The following PKD1 variants were observed in gnomAD, a reference collection of about 807,000 sequenced individuals.
The protein encoded by PKD1 is polycystin-1.
Under a neutral mutation model 361.7 loss-of-function variants are expected in PKD1, and 81 were observed. The ratio of observed to expected loss-of-function variants is 0.22; its 90% CI spans 0.19 to 0.27. The LOEUF (loss-of-function observed/expected upper bound fraction) is 0.27. Among genes scored for constraint, PKD1 ranks in the 10% least tolerant of loss-of-function variants. The probability of loss-of-function intolerance (pLI) is 1.00; values close to 1 mark genes in which losing one functional copy is unlikely to be tolerated. For missense variants in PKD1, 6,399 were observed against 6,118.3 expected (o/e 1.05, Z -1.53); for synonymous variants, 3,615 against 2,818.3 (o/e 1.28, Z -8.95).
intron 1 of PKD1, among the ~76,000 whole-genome samples, chr16:2,134,354 A>C (rs1259320107): frequency 8.5e-6 from 1 of 117,742 alleles, no homozygotes; most frequent in Non-Finnish European, 1.7e-5. Flanking sequence ...AACGTTACAA[A>C]ACCAAATGCC....
rs1332582106 is a variant in PKD1, at chr16:2,097,795, G to C, written c.10168-15C>G. ...ACAAAGGCCTGCTGAGAGGTGCACA[G>C]TGTCTTGAGTCCAAGCTGCGCCAAG... is the stretch of plus-strand genomic sequence containing the variant. On this transcript the variant is annotated splice_polypyrimidine_tract_variant and intron_variant, in intron 31 of 45. Coordinates refer to ENST00000262304, the MANE Select transcript of PKD1 (RefSeq NM_001009944.3). 6.2e-7 allele frequency: 1 copy of C among 1,611,446 alleles called. No individual in the cohort carries two copies. Among genetic ancestry groups the C allele is most frequent in the East Asian group, 2.2e-5 (1 of 44,882 alleles).
intron 1 of PKD1, among the ~76,000 whole-genome samples, chr16:2,132,262 A>G (rs2092892914): frequency 6.6e-6 from 1 of 151,486 alleles, no homozygotes; most frequent in African/African-American, 2.4e-5. Flanking sequence ...AAAAAAAAAA[A>G]AAAGTATATA....
Position 2,094,132 on chromosome 16 carries a change from C to G in PKD1, c.10578G>C (p.Leu3526=). The change falls in exon 35 of 46, where the codon CTG becomes CTC. Residue 3526 remains leucine, a synonymous_variant. Transcript: ENST00000262304. ...TCGCTGCCTGGGGCTGTTCCCAGTT[C>G]AGGCCTGGGCTGGGTGGCCCCAGCT... ...LGELGPPSPG[L]NWEQPQAARL... The G allele has an allele frequency of 6.3e-7, 1 of 1,596,222 alleles. No homozygotes were observed. Among genetic ancestry groups the G allele is most frequent in the South Asian group, 1.1e-5 (1 of 88,706 alleles).
rs775005619 is a variant in PKD1 at position 2,089,952 on chromosome 16, G to C, written c.12687C>G (p.Leu4229=). Residue 4229 remains leucine, a synonymous_variant, in exon 46 of 46, where the codon CTC becomes CTG. Transcript: ENST00000262304. ...FEALLTQFDR[L]NQATEDVYQL... The stretch of plus-strand genomic sequence containing the variant: ...GGTAGACGTCCTCTGTGGCCTGGTT[G>C]AGTCGGTCAAACTGGGTGAGCAGGG... The C allele has an allele frequency of 1.3e-5, 21 of 1,612,292 alleles. No homozygotes were observed. Among genetic ancestry groups the C allele is most frequent in the Non-Finnish European group, 1.8e-5 (21 of 1,179,768 alleles).
At chr16:2,129,273 C>A (rs562644232) in intron 1 of PKD1, among the ~76,000 whole-genome samples, 6 of 151,536 alleles carry the variant, frequency 4.0e-5, no homozygotes, top group African/African-American at 1.5e-4. Context: ...AATCCTCCCC[C>A]CTCAGCCTCC....
intron 1 of PKD1, chr16:2,119,888 C>T (rs2092693151): frequency 2.0e-5 from 14 of 700,376 alleles, no homozygotes; most frequent in East Asian, 8.0e-5. Context: ...GGGGAGCAGG[C>T]GCCACCTCGA....
At chr16:2,130,523 T>C (rs1248159931) in intron 1 of PKD1, among the ~76,000 whole-genome samples, 2 of 152,190 alleles carry the variant, frequency 1.3e-5, no homozygotes, top group Admixed American at 6.5e-5. Context: ...CCCTCGAGGG[T>C]GGCCCTCCTT....
intron 30 of PKD1, chr16:2,098,214 T>G: frequency 5.1e-6 from 3 of 590,912 alleles, no homozygotes; most frequent in Non-Finnish European, 9.1e-6. Flanking sequence ...GTTTTAAATT[T>G]CATATTTTCT....
intron 30 of PKD1, 200 bp from the exon 31 acceptor site, chr16:2,098,184 T>C (rs2091926473): frequency 1.3e-5 from 8 of 601,000 alleles, no homozygotes; most frequent in Non-Finnish European, 3.0e-6. Context: ...GACAGCAGAC[T>C]GGTGCAGCTA....
chr16:2,091,624 AGCGGGTGGCAGG>A (rs991680191), intron 41 of PKD1, 27 bp from the exon 42 acceptor site: 2 of 1,561,432 alleles, frequency 1.3e-6, no homozygotes, highest in Admixed American at 3.6e-5. Flanking sequence ...GGTCAGTAGG[AGCGGGTGGCAGG>A]GCGGGAGCTG....
intron 39 of PKD1, 140 bp from the exon 40 acceptor site, chr16:2,092,328 T>C (rs1596483629): frequency 4.9e-6 from 5 of 1,029,320 alleles, no homozygotes; most frequent in Middle Eastern, 5.4e-4. Flanking sequence ...TAGACAACGT[T>C]ACCATCTCTC....
intron 1 of PKD1, chr16:2,123,633 C>A (rs554407620): frequency 1.2e-5 from 5 of 427,790 alleles, no homozygotes; most frequent in African/African-American, 1.0e-4. Context: ...TGCCCTGCCC[C>A]CACGTTCTGG....
chr16:2,106,748 C>T lies in PKD1; in HGVS notation c.7209+57G>A, dbSNP rs765377861. 100 of 1,503,138 alleles carry T rather than the reference C, an allele frequency of 6.7e-5. 1 individual carries two copies. Among genetic ancestry groups the T allele is most frequent in the Middle Eastern group, 4.7e-4 (2 of 4,260 alleles). The allele number at this position is 1,503,138 out of a possible 1,614,324, so 93.1% of individuals were successfully genotyped here. A position where few individuals can be genotyped will look rare whatever the true frequency, so the allele number is the denominator to read the frequency against. ...CAGCCCCACTTCTGCCTGCAGGCCC[C>T]GTCCCCTCGGCCATGGGACCCATCC... On this transcript the variant is annotated intron_variant, in intron 17 of 45. Coordinates refer to ENST00000262304, the MANE Select transcript of PKD1 (RefSeq NM_001009944.3). The surrounding 1 kb of genome is among the most constrained non-coding windows in gnomAD (Gnocchi z 6.5).
rs2092941556 is a variant in PKD1, at chr16:2,135,629, C to T, written c.61G>A (p.Ala21Thr). 2.1e-6 allele frequency: 2 copies of T among 946,592 alleles called. No homozygotes were observed. The highest frequency in any genetic ancestry group is 1.8e-5 in the African/African-American group (1 of 55,930). 58.6% of individuals were successfully genotyped at this position (946,592 alleles called of 1,614,324 possible). A position where few individuals can be genotyped will look rare whatever the true frequency, so the allele number is the denominator to read the frequency against. Residue 21 changes from alanine (A) to threonine (T), a missense_variant, in exon 1 of 46, where the codon GCG (alanine) becomes ACG (threonine). Ala to Thr is a moderately conservative substitution (Grantham distance 58). Coordinates refer to ENST00000262304, the MANE Select transcript of PKD1 (RefSeq NM_001009944.3). ...LALGLGLWLG[A>T]LAGGPGRGCG... ...CCGCGCCCGGGGCCCCCCGCCAGCG[C>T]CCCGAGCCACAGGCCCAGGCCCAGG...
rs760626028 is a variant in PKD1 at position 2,106,355 on chromosome 16, G to A, written c.7489+43C>T. On this transcript the variant is annotated intron_variant, in intron 18 of 45. Coordinates refer to ENST00000262304, the MANE Select transcript of PKD1 (RefSeq NM_001009944.3). The surrounding 1 kb of genome is among the most constrained non-coding windows in gnomAD (Gnocchi z 6.5). ...CGGGAGGGCTCCGTGACGTCACAGA[G>A]TCGGGGGATCCCGCTGCTCCCCCCA... 1.9e-6 allele frequency: 3 copies of A among 1,602,100 alleles called. No homozygotes were observed. The highest frequency in any genetic ancestry group is 1.3e-5 in the African/African-American group (1 of 74,696).
rs1171032667 is a variant in PKD1, at chr16:2,105,879, T to C, written c.7849A>G (p.Thr2617Ala). ...HVIEYSLALV[T>A]VLNEYERALD... ...GCTGCACTCACCTCGTTCAGCACGG[T>C]GACCAGGGCCAACGAGTACTCGATG... Residue 2617 changes from threonine to alanine, a missense_variant, in exon 20 of 46, where the codon ACC (threonine) becomes GCC (alanine). Physicochemically the swap from Thr to Ala is moderately conservative, Grantham distance 58. Transcript: ENST00000262304. The C allele has an allele frequency of 1.3e-5, 21 of 1,596,068 alleles. No homozygotes were observed. The highest frequency in any genetic ancestry group is 1.7e-5 in the Non-Finnish European group (20 of 1,179,638).
chr16:2,105,737 T>G lies in PKD1; in HGVS notation c.7863+128A>C. The G allele has an allele frequency of 4.6e-6, 6 of 1,308,550 alleles. No homozygotes were observed. In the South Asian group the frequency reaches 7.4e-5, roughly 16 times the overall value. The allele number at this position is 1,308,550 out of a possible 1,614,324, so 81.1% of individuals were successfully genotyped here. ...TGGGAGCGGAAGGTCGGGGTGCTGC[T>G]TCAGGGTCACTGGGATTTATCTCTG... On this transcript the variant is annotated intron_variant, in intron 20 of 45. Coordinates refer to ENST00000262304, the MANE Select transcript of PKD1 (RefSeq NM_001009944.3).
At chr16:2,132,581 AAAAAAAAAAAG>A (rs2092899391) in intron 1 of PKD1, among the ~76,000 whole-genome samples, 1 of 145,802 alleles carries the variant, frequency 6.9e-6, no homozygotes, top group African/African-American at 2.6e-5. Context: ...TCTCAAAAAA[AAAAAAAAAAAG>A]AAAAAAAAAA....
In PKD1 at chr16:2,100,027, G is replaced by A. The variant is rs754647191; in HGVS notation, c.9757C>T (p.Leu3253=). 1.3e-6 allele frequency: 2 copies of A among 1,580,062 alleles called. No individual in the cohort carries two copies. Among genetic ancestry groups the A allele is most frequent in the Non-Finnish European group, 1.7e-6 (2 of 1,164,586 alleles). ...LRFRRLLVAE[L]QRGFFDKHIW... is the part of the protein sequence containing the mutation. ...TGCTTGTCAAAGAAGCCACGCTGCA[G>A]CTCAGCCACCAGCAGGCGCCGGAAG... The change falls in exon 29 of 46, where the codon CTG becomes TTG. Residue 3253 remains leucine (L), a synonymous_variant. Coordinates refer to ENST00000262304, the MANE Select transcript of PKD1 (RefSeq NM_001009944.3). The surrounding 1 kb of genome is among the most constrained non-coding windows in gnomAD (Gnocchi z 4.4).
Sources: gnomAD v4.1 joint callset for allele counts (sites outside exome capture counted in the v4.1 genomes callset) on GRCh38, gnomAD v4.1.1 for gene constraint, Gnocchi (gnomAD v3.1) non-coding constraint, MANE v1.5 for transcripts, NCBI Gene and HGNC (gene_info 2026-07-23, HGNC 2026-07-21) for gene names.